Variants in LTBP1 observed in about 807,000 individuals in gnomAD.
LTBP1 encodes latent transforming growth factor beta binding protein 1.
A neutral mutation model predicts 207.6 loss-of-function variants in LTBP1; 129 were observed. The observed-to-expected ratio is 0.62, with a 90% CI of 0.54 to 0.72. The LOEUF (loss-of-function observed/expected upper bound fraction) is 0.72. Among genes scored for constraint, LTBP1 ranks in the 30% least tolerant of loss-of-function variants. The pLI is 0.00. For synonymous variants in LTBP1, 963 were observed against 833.7 expected, an observed-to-expected ratio of 1.16 and a Z score of -2.67; for missense variants, 2,281 against 2,217.2, an observed-to-expected ratio of 1.03 and a Z score of -0.58.
chr2:33,367,990 G>A (rs771399223), intron 31 of LTBP1, among the ~76,000 whole-genome samples: 9 of 152,122 alleles, frequency 5.9e-5, no homozygotes, highest in East Asian at 1.9e-4. Context: ...CGAGGCGGGC[G>A]GATCATGAGG....
intron 2 of LTBP1, among the ~76,000 whole-genome samples, chr2:32,984,845 C>A (rs1382882284): frequency 6.6e-6 from 1 of 151,950 alleles, no homozygotes; most frequent in Non-Finnish European, 1.5e-5. Context: ...GCAGGAGAAT[C>A]GCTTGAACCC....
intron 20 of LTBP1, among the ~76,000 whole-genome samples, chr2:33,294,069 G>C (rs565411021): frequency 4.7e-5 from 6 of 126,898 alleles, no homozygotes; most frequent in Admixed American, 9.6e-5. Context: ...GCAGTGGCAT[G>C]ATCTTGGCTC....
chr2:33,328,575 G>C (rs2094457799), intron 24 of LTBP1, among the ~76,000 whole-genome samples: 1 of 152,154 alleles, frequency 6.6e-6, no homozygotes, highest in Non-Finnish European at 1.5e-5. Flanking sequence ...GAAAATGCCA[G>C]ACACTTAAAA....
intron 7 of LTBP1, among the ~76,000 whole-genome samples, chr2:33,200,653 G>A (rs895656409): frequency 8.5e-5 from 13 of 152,130 alleles, no homozygotes; most frequent in African/African-American, 3.1e-4. Context: ...AAGAGCTTCT[G>A]CACAGCAAAA....
At chr2:33,383,890 A>C (rs13404913) in intron 31 of LTBP1, among the ~76,000 whole-genome samples, 32,057 of 152,190 alleles carry the variant, frequency 0.21, 3,690 homozygotes, top group African/African-American at 0.28. Context: ...CTTATATTTG[A>C]AAATAACACA....
In LTBP1 at chr2:33,209,467, C is replaced by T. The variant is rs745810226; in HGVS notation, c.1702-8085C>T. Among the ~76,000 whole-genome samples, 5 of 152,218 alleles carry T rather than the reference C, an allele frequency of 3.3e-5. No homozygotes were observed. In the South Asian group the frequency reaches 6.2e-4, roughly 19 times the overall value. On this transcript the variant is annotated intron_variant, in intron 7 of 33. Transcript: ENST00000404816. ...AAAGTGAAATCATCTGCCGCTTGAA[C>T]GTCAATATTTACAAGTTGAATTATT...
intron 20 of LTBP1, 43 bp from the exon 21 acceptor site, chr2:33,300,408 G>A (rs773545459): frequency 1.2e-6 from 2 of 1,603,600 alleles, no homozygotes; most frequent in South Asian, 1.1e-5. Flanking sequence ...CATTCTCCTG[G>A]GTAGTCTCTT....
chr2:33,000,011 C>G lies in LTBP1; in HGVS notation c.566-20898C>G, dbSNP rs1366029631. Among the ~76,000 whole-genome samples, 2 of 134,268 alleles carry G rather than the reference C, an allele frequency of 1.5e-5. 1 individual carries two copies. The highest frequency in any genetic ancestry group is 3.3e-5 in the Non-Finnish European group (2 of 61,152). 88.1% of individuals were successfully genotyped at this position (134,268 alleles called of 152,430 possible). On this transcript the variant is annotated intron_variant, in intron 2 of 33. Transcript: ENST00000404816. ...TCACAATGCAGATTCCTGGGCTCTA[C>G]TCCAGAGAGCCAGTATCAGTAGGGC... is the stretch of plus-strand genomic sequence containing the variant.
chr2:33,130,024 TG>T (rs1244375776), intron 4 of LTBP1, among the ~76,000 whole-genome samples: 1 of 152,228 alleles, frequency 6.6e-6, no homozygotes. Context: ...GAGCAGTCTA[TG>T]GGCATTATTT....
rs138192983 is a variant in LTBP1, at chr2:33,273,685, A to C, written c.2647A>C (p.Ile883Leu). ...CAATGAATGTACTGTGAACCCTGAT[A>C]TCTGTGGAGCAGGACACTGCATTAA... The part of the protein sequence containing the change: ...EINECTVNPD[I>L]CGAGHCINLP... Residue 883 changes from isoleucine to leucine, a missense_variant, in exon 16 of 34, where the codon ATC (isoleucine) becomes CTC (leucine). This residue lies in a region of LTBP1 where 1,671 missense variants were observed against 1,634.8 expected (regional missense o/e 1.02). Transcript: ENST00000404816. 3.1e-6 allele frequency: 5 copies of C among 1,609,844 alleles called. No individual in the cohort carries two copies. The highest frequency in any genetic ancestry group is 4.2e-6 in the Non-Finnish European group (5 of 1,178,158).
intron 15 of LTBP1, among the ~76,000 whole-genome samples, chr2:33,264,933 G>T (rs1191249425): frequency 6.6e-6 from 1 of 151,692 alleles, no homozygotes; most frequent in African/African-American, 2.4e-5. Context: ...GGCCTGAGAA[G>T]CAGGGGAGTT....
chr2:33,060,024 T>C (rs2077186620), intron 3 of LTBP1, among the ~76,000 whole-genome samples: 1 of 152,236 alleles, frequency 6.6e-6, no homozygotes, highest in Non-Finnish European at 1.5e-5. Flanking sequence ...TACATGTTGT[T>C]GGTTCGGGCA....
At chr2:33,068,041 C>T (rs190272806) in intron 3 of LTBP1, among the ~76,000 whole-genome samples, 1 of 151,850 alleles carries the variant, frequency 6.6e-6, no homozygotes, top group Non-Finnish European at 1.5e-5. Context: ...ATCATATGCT[C>T]CTGGATAACA....
At chr2:33,315,396 TC>T in intron 24 of LTBP1, 127 bp downstream of exon 24, 1 of 1,171,004 alleles carries the variant, frequency 8.5e-7, no homozygotes. Flanking sequence ...CATGTATGCA[TC>T]AAAGTAAACC....
chr2:33,009,446 G>T (rs1028230936), intron 2 of LTBP1, among the ~76,000 whole-genome samples: 5 of 152,172 alleles, frequency 3.3e-5, no homozygotes, highest in Non-Finnish European at 7.4e-5. Context: ...GAGTGTGTAT[G>T]TGTGACGTAA....
At chr2:33,089,982 A>C (rs1388207939) in intron 3 of LTBP1, among the ~76,000 whole-genome samples, 4 of 152,254 alleles carry the variant, frequency 2.6e-5, no homozygotes, top group Non-Finnish European at 5.9e-5. Flanking sequence ...ATTAAAATAC[A>C]TTTGATGAGT....
chr2:33,341,727 A>ATATATATATATATATATATATAT, intron 24 of LTBP1, among the ~76,000 whole-genome samples: 1 of 89,608 alleles, frequency 1.1e-5, no homozygotes, highest in East Asian at 3.1e-4. Context: ...AAAAAAAAAA[A>ATATATATATATATATATATATAT]AAATATATAT....
intron 19 of LTBP1, among the ~76,000 whole-genome samples, chr2:33,283,555 G>C (rs946874702): frequency 7.0e-6 from 1 of 142,858 alleles, no homozygotes; most frequent in Non-Finnish European, 1.5e-5. Flanking sequence ...TCCTACCTCA[G>C]CCTCCTGAGT....
intron 7 of LTBP1, among the ~76,000 whole-genome samples, chr2:33,210,383 T>C (rs1375878914): frequency 2.6e-5 from 4 of 152,206 alleles, no homozygotes; most frequent in Non-Finnish European, 4.4e-5. Context: ...GTGAATGATA[T>C]ACTTTGTCCT....
Sources: gnomAD v4.1 joint callset for allele counts (sites outside exome capture counted in the v4.1 genomes callset) on GRCh38, gnomAD v4.1.1 for gene constraint, gnomAD v4.1.1 regional missense constraint, MANE v1.5 for transcripts, NCBI Gene and HGNC (gene_info 2026-07-23, HGNC 2026-07-21) for gene names.